Variants in DLGAP1 observed in about 807,000 individuals in gnomAD.
DLGAP1 encodes the protein disks large-associated protein 1.
In DLGAP1, 11 loss-of-function variants were observed where a neutral mutation model predicts 90.8. That is an observed-to-expected ratio of 0.12 (90% confidence interval 0.08 to 0.20). The LOEUF is 0.20. DLGAP1 is among the 10% of genes least tolerant of loss of function. The pLI, the probability that DLGAP1 is intolerant of heterozygous loss-of-function variation, is 1.00. For synonymous variants in DLGAP1, 558 were observed against 540.7 expected (o/e 1.03, Z -0.44); for missense variants, 1,050 against 1,333.8 (o/e 0.79, Z 3.31).
intron 7 of DLGAP1, among the ~76,000 whole-genome samples, chr18:3,639,755 C>CCTTTTTTTTTTT (rs2058857657): frequency 8.5e-6 from 1 of 118,332 alleles, no homozygotes; most frequent in South Asian, 2.6e-4. Context: ...GCAGAGTTGC[C>CCTTTTTTTTTTT]TTTTTTTTTT....
chr18:4,266,359 C>A (rs756292330), intron 1 of DLGAP1, among the ~76,000 whole-genome samples: 1 of 152,154 alleles, frequency 6.6e-6, no homozygotes, highest in Non-Finnish European at 1.5e-5. Flanking sequence ...ATGCCACAGA[C>A]TAGAGAGCAC....
rs775292733 is a variant in DLGAP1, at chr18:3,880,035, G to C, written c.34C>G (p.His12Asp). ...KGLSGSRSHHHGVTCDSACDS... is the reference protein window; with the variant it reads ...KGLSGSRSHHDGVTCDSACDS... ...CAGGCCGAGTCGCAGGTGACCCCGT[G>C]GTGATGGCTGCGGCTGCCTGATAGC... Residue 12 changes from histidine (H) to aspartate (D), a missense_variant, in exon 4 of 13, where the codon CAC (histidine) becomes GAC (aspartate). Transcript: ENST00000315677. The C allele has an allele frequency of 7.5e-6, 12 of 1,605,400 alleles. No individual in the cohort carries two copies. In the East Asian group the frequency reaches 2.5e-4, roughly 33 times the overall value.
At chr18:3,993,475 C>T (rs569109807) in intron 3 of DLGAP1, among the ~76,000 whole-genome samples, 1 of 151,746 alleles carries the variant, frequency 6.6e-6, no homozygotes, top group Non-Finnish European at 1.5e-5. Context: ...TTGAGATTTC[C>T]TTGTCTTTCC....
intron 7 of DLGAP1, among the ~76,000 whole-genome samples, chr18:3,659,377 C>T (rs1051253497): frequency 1.5e-5 from 2 of 136,564 alleles, no homozygotes; most frequent in South Asian, 2.4e-4. Flanking sequence ...CAGGGTAAGC[C>T]GTAACACATA....
chr18:4,043,906 T>C (rs73380565), intron 2 of DLGAP1, among the ~76,000 whole-genome samples: 2,426 of 152,272 alleles, frequency 0.016, 69 homozygotes, highest in African/African-American at 0.056. Flanking sequence ...AAGAACTATG[T>C]AGAGGGGAAA....
rs546300622 is a variant in DLGAP1 at position 3,614,206 on chromosome 18, C to T, written c.1592-31958G>A. Among the ~76,000 whole-genome samples the T allele has an allele frequency of 7.2e-5, 11 of 152,310 alleles. No homozygotes were observed. The East Asian group carries it at 1.2e-3, about 16-fold the overall frequency. ...AAGTGCTAGGATTACAGGCGAGCCA[C>T]CGTGCCTGGCCAGTTGTCACTTTTT... is the stretch of plus-strand genomic sequence containing the variant. On this transcript the variant is annotated intron_variant, in intron 7 of 12. Coordinates refer to ENST00000315677, the MANE Select transcript of DLGAP1 (RefSeq NM_004746.4).
Position 3,863,135 on chromosome 18 carries a change from G to A in DLGAP1, c.957+15977C>T, listed in dbSNP as rs561781064. ...TACTGACCACTAGAAACGTAGCTAC[G>A]GTGACTGAGAAACTGGATTTTTATT... On this transcript the variant is annotated intron_variant, in intron 4 of 12. Transcript: ENST00000315677. 4.5e-4 allele frequency among the ~76,000 whole-genome samples: 68 copies of A among 152,300 alleles called. 1 individual carries two copies. The highest frequency in any genetic ancestry group is 1.5e-3 in the African/African-American group (63 of 41,572).
chr18:4,209,121 C>T (rs1002589495), intron 1 of DLGAP1, among the ~76,000 whole-genome samples: 3 of 152,080 alleles, frequency 2.0e-5, no homozygotes, highest in Non-Finnish European at 4.4e-5. Flanking sequence ...GGGTGAGGCT[C>T]ATGTGGGAAT....
At chr18:4,195,869 G>A (rs910076535) in intron 1 of DLGAP1, among the ~76,000 whole-genome samples, 5 of 151,916 alleles carry the variant, frequency 3.3e-5, no homozygotes, top group Admixed American at 3.3e-4. Context: ...CTTTTTTGAG[G>A]AAGACCCTAT....
intron 1 of DLGAP1, among the ~76,000 whole-genome samples, chr18:4,246,789 T>C (rs116677065): frequency 1.7e-4 from 26 of 152,336 alleles, no homozygotes; most frequent in African/African-American, 4.3e-4. Context: ...CAAGAAGCAC[T>C]CAAGTCAGTT....
At chr18:3,722,097 C>T (rs1598459605) in intron 7 of DLGAP1, 1 of 152,206 alleles carries the variant, frequency 6.6e-6, no homozygotes, top group South Asian at 2.1e-4. Context: ...GTGAACCTTA[C>T]AACAGCCTTT....
chr18:4,390,894 G>GA (rs1209387421), intron 1 of DLGAP1, among the ~76,000 whole-genome samples: 12 of 152,150 alleles, frequency 7.9e-5, no homozygotes, highest in Non-Finnish European at 1.8e-4. Flanking sequence ...TTTTGCCTCT[G>GA]ACCTGTAACT....
At chr18:3,978,150 G>A (rs1287066590) in intron 3 of DLGAP1, 1 of 451,982 alleles carries the variant, frequency 2.2e-6, no homozygotes, top group African/African-American at 2.0e-5. Context: ...GATGACCTTG[G>A]CTGGTGGGGG....
chr18:3,828,489 T>C lies in DLGAP1; in HGVS notation c.958-14216A>G, dbSNP rs557079010. 4.0e-5 allele frequency among the ~76,000 whole-genome samples: 6 copies of C among 151,454 alleles called. No individual in the cohort carries two copies. In the South Asian group the frequency reaches 1.3e-3, roughly 32 times the overall value. On this transcript the variant is annotated intron_variant, in intron 4 of 12. Coordinates refer to ENST00000315677, the MANE Select transcript of DLGAP1 (RefSeq NM_004746.4). ...ACCTCATTTCAACAAACTATTTAAATATTAGTTGGGTGTGGAGGCATGTGC... is the reference window on the plus strand; with the variant it reads ...ACCTCATTTCAACAAACTATTTAAACATTAGTTGGGTGTGGAGGCATGTGC...
intron 2 of DLGAP1, among the ~76,000 whole-genome samples, chr18:4,051,637 T>C (rs1261191899): frequency 2.6e-5 from 4 of 152,188 alleles, no homozygotes; most frequent in Admixed American, 6.5e-5. Context: ...ATTCTGCCGC[T>C]GGCCCCTCCC....
At position 4,237,536 on chromosome 18, in the gene DLGAP1, T is replaced by C. The variant is rs146369143; in HGVS notation, c.-266-86249A>G. ...TCCTGCCACCCACAGCTCTGGAAAG[T>C]CCAGGTTCCTGCCTTTTCTGAGACT... On this transcript the variant is annotated intron_variant, in intron 1 of 12. Coordinates refer to ENST00000315677, the MANE Select transcript of DLGAP1 (RefSeq NM_004746.4). Among the ~76,000 whole-genome samples the C allele has an allele frequency of 7.6e-3, 1,161 of 152,286 alleles. 14 individuals carry two copies. The highest frequency in any genetic ancestry group is 0.013 in the Non-Finnish European group (875 of 68,020).
rs1531352 is a variant in DLGAP1 at position 3,662,778 on chromosome 18, C to T, written c.1591+66357G>A. 6.7e-3 allele frequency among the ~76,000 whole-genome samples: 1,022 copies of T among 152,334 alleles called. 10 individuals carry two copies. Among genetic ancestry groups the T allele is most frequent in the African/African-American group, 0.023 (961 of 41,578 alleles). ...GGATTTCAGACTTGCTATGGTAATG[C>T]CTGGCGTATAGCTGTTTATCCACTC... On this transcript the variant is annotated intron_variant, in intron 7 of 12. Coordinates refer to ENST00000315677, the MANE Select transcript of DLGAP1 (RefSeq NM_004746.4).
intron 2 of DLGAP1, among the ~76,000 whole-genome samples, chr18:4,100,717 A>T (rs1028670859): frequency 1.3e-5 from 2 of 152,086 alleles, no homozygotes; most frequent in African/African-American, 4.8e-5. Context: ...CACCTTCACT[A>T]GTGACTTTAG....
At chr18:4,336,016 C>T (rs1347111786) in intron 1 of DLGAP1, among the ~76,000 whole-genome samples, 1 of 152,164 alleles carries the variant, frequency 6.6e-6, no homozygotes, top group Non-Finnish European at 1.5e-5. Context: ...TATCAAAATA[C>T]AAGCTTCAGT....
Sources: allele counts gnomAD v4.1 joint callset (sites outside exome capture counted in the v4.1 genomes callset), GRCh38; gene constraint gnomAD v4.1.1; transcripts MANE v1.5; gene names NCBI Gene and HGNC (gene_info 2026-07-23, HGNC 2026-07-21).